VARS1: variants seen among roughly 807,000 people sequenced by gnomAD.
VARS1 encodes the protein valyl-tRNA synthetase 1, also known as valine--tRNA ligase.
Under a neutral mutation model 161.0 loss-of-function variants are expected in VARS1, and 92 were observed. The observed-to-expected ratio is 0.57, with a 90% CI of 0.48 to 0.68. VARS1 has a LOEUF of 0.68. VARS1 is among the 30% of genes least tolerant of loss of function. The pLI, the probability that VARS1 is intolerant of heterozygous loss-of-function variation, is 0.00. For synonymous variants in VARS1, 595 were observed against 682.5 expected (o/e 0.87, Z 2.00); for missense variants, 1,338 against 1,695.9 (o/e 0.79, Z 3.71).
chr6:31,791,782 C>T lies in VARS1; in HGVS notation c.973-45G>A. 6.2e-7 allele frequency: 1 copy of T among 1,613,010 alleles called. No individual in the cohort carries two copies. The highest frequency in any genetic ancestry group is 8.5e-7 in the Non-Finnish European group (1 of 1,180,018). ...GCACATGTTTAAGGCCTCAGGTCAC[C>T]TCTCCCAGCCCCTCCCAGGCAACAC... On this transcript the variant is annotated intron_variant, in intron 7 of 29. Coordinates refer to ENST00000375663, the MANE Select transcript of VARS1 (RefSeq NM_006295.3). The surrounding 1 kb of genome is among the most constrained non-coding windows in gnomAD (Gnocchi z 5.0).
Position 31,791,913 on chromosome 6 carries a change from G to A in VARS1, c.930C>T (p.Tyr310=). 1 of 1,606,710 alleles carries A rather than the reference G, an allele frequency of 6.2e-7. No individual in the cohort carries two copies. Among genetic ancestry groups the A allele is most frequent in the Non-Finnish European group, 8.5e-7 (1 of 1,176,016 alleles). Residue 310 remains tyrosine, a synonymous_variant, in exon 7 of 30, where the codon TAC becomes TAT. Coordinates refer to ENST00000375663, the MANE Select transcript of VARS1 (RefSeq NM_006295.3). The surrounding 1 kb of genome is among the most constrained non-coding windows in gnomAD (Gnocchi z 5.0). ...YSPRYVEAAW[Y]PWWEQQGFFK... ...AGAAGCCCTGCTGCTCCCACCAAGG[G>A]TACCAGGCAGCCTCCACATACCGAG...
chr6:31,794,803 CT>C, intron 2 of VARS1, 27 bp downstream of exon 2: 1 of 1,515,944 alleles, frequency 6.6e-7, no homozygotes, highest in South Asian at 1.3e-5. Context: ...AATTTCTCCC[CT>C]CCCCCTCTTC....
In VARS1 at chr6:31,792,424, T is replaced by G. The variant is rs1211876082; in HGVS notation, c.754A>C (p.Lys252Gln). ...GGAGGTGGCTGCTGCTGTTGGATCT[T>G]CTGCTTCTGTTGGAATTTCTCTAGC... Reference protein sequence around the residue: ...EKLEKFQQKQKIQQQQPPPGE... With the variant: ...EKLEKFQQKQQIQQQQPPPGE... The change falls in exon 5 of 30, where the codon AAG becomes CAG. Residue 252 changes from lysine to glutamine, a missense_variant. This residue lies in a region of VARS1 where 902 missense variants were observed against 1,090.3 expected (regional missense o/e 0.83). Coordinates refer to ENST00000375663, the MANE Select transcript of VARS1 (RefSeq NM_006295.3). The G allele has an allele frequency of 5.0e-6, 8 of 1,613,890 alleles. No individual in the cohort carries two copies. The highest frequency in any genetic ancestry group is 6.8e-6 in the Non-Finnish European group (8 of 1,180,006).
At chr6:31,788,842 T>A (rs1581653611) in intron 8 of VARS1, among the ~76,000 whole-genome samples, 3 of 151,890 alleles carry the variant, frequency 2.0e-5, no homozygotes, top group Admixed American at 1.3e-4. Flanking sequence ...AATAAAAAAA[T>A]AAAACATATA....
intron 13 of VARS1, among the ~76,000 whole-genome samples, chr6:31,783,493 G>GAAATAAAAATAAAAAAA (rs1813296391): frequency 2.8e-4 from 43 of 152,092 alleles, no homozygotes; most frequent in Admixed American, 2.8e-3. Flanking sequence ...CTGGGCGATA[G>GAAATAAAAATAAAAAAA]AGTGAGACCC....
chr6:31,781,490 G>C lies in VARS1; in HGVS notation c.2535C>G (p.Pro845=). ...MLGLKLTGRL[P]FREVYLHAIV... ...TCGGCTGTCTCCGCACCTCTCTAAA[G>C]GGCAGCCTGCCCGTGAGCTTCAGGC... The change falls in exon 21 of 30, where the codon CCC becomes CCG. Residue 845 remains proline, a synonymous_variant. Coordinates refer to ENST00000375663, the MANE Select transcript of VARS1 (RefSeq NM_006295.3). The surrounding 1 kb of genome is among the most constrained non-coding windows in gnomAD (Gnocchi z 6.8). The C allele has an allele frequency of 6.2e-7, 1 of 1,612,620 alleles. No homozygotes were observed. Among genetic ancestry groups the C allele is most frequent in the Non-Finnish European group, 8.5e-7 (1 of 1,179,928 alleles).
At chr6:31,792,632 C>A in intron 4 of VARS1, 116 bp from the exon 5 acceptor site, 1 of 1,592,110 alleles carries the variant, frequency 6.3e-7, no homozygotes, top group Admixed American at 1.7e-5. Context: ...CTGACCTCCC[C>A]CCTCTCCCTC....
At chr6:31,788,329 G>A (rs1813640128) in intron 8 of VARS1, among the ~76,000 whole-genome samples, 1 of 151,366 alleles carries the variant, frequency 6.6e-6, no homozygotes, top group Non-Finnish European at 1.5e-5. Flanking sequence ...GTGAAACCCC[G>A]TCTCTACTAA....
At position 31,791,852 on chromosome 6, in the gene VARS1, G is replaced by A. The variant is rs1475732011; in HGVS notation, c.972+19C>T. ...CCCCACCCCACCCACTCTGGGCCTG[G>A]GCAGCAGTGCCTACTCACCCCATAC... On this transcript the variant is annotated intron_variant, in intron 7 of 29. Transcript: ENST00000375663. This position sits in a 1 kb window ranked among gnomAD's most constrained non-coding sequence, Gnocchi z 5.0. The A allele has an allele frequency of 6.2e-7, 1 of 1,611,536 alleles. No individual in the cohort carries two copies. The highest frequency in any genetic ancestry group is 1.1e-5 in the South Asian group (1 of 90,892).
chr6:31,782,879 G>C lies in VARS1; in HGVS notation c.1763-34C>G. ...ACATCAGGATGCCCAGGTCATGAGG[G>C]ACTCCACGGAGTTCCTTCCTACACT... is the stretch of plus-strand genomic sequence containing the variant. On this transcript the variant is annotated intron_variant, in intron 14 of 29. Coordinates refer to ENST00000375663, the MANE Select transcript of VARS1 (RefSeq NM_006295.3). The surrounding 1 kb of genome is among the most constrained non-coding windows in gnomAD (Gnocchi z 8.3). The C allele has an allele frequency of 1.9e-6, 3 of 1,594,294 alleles. No homozygotes were observed. Among genetic ancestry groups the C allele is most frequent in the Non-Finnish European group, 1.7e-6 (2 of 1,170,358 alleles).
Position 31,777,556 on chromosome 6 carries a change from T to C in VARS1, c.*38A>G, listed in dbSNP as rs1478982059. On this transcript the variant is annotated 3_prime_UTR_variant, in exon 30 of 30. Transcript: ENST00000375663. This position sits in a 1 kb window ranked among gnomAD's most constrained non-coding sequence, Gnocchi z 5.8. ...TATTTTATTGCTGCCATCCCCATGG[T>C]GAGCCGCTGGGGGTGAGGGGTGAAG... The C allele has an allele frequency of 6.2e-7, 1 of 1,609,158 alleles. No homozygotes were observed. Among genetic ancestry groups the C allele is most frequent in the Admixed American group, 1.7e-5 (1 of 59,996 alleles).
In VARS1 at chr6:31,780,393, T is replaced by C; in HGVS notation, c.2925+48A>G. 1 of 1,594,484 alleles carries C rather than the reference T, an allele frequency of 6.3e-7. No individual in the cohort carries two copies. Among genetic ancestry groups the C allele is most frequent in the Non-Finnish European group, 8.5e-7 (1 of 1,170,240 alleles). ...ACATGGAGGCTGCTCCGGACAGGGG[T>C]ACAGCCTGTGTGAGTGCTGCCAGCT... On this transcript the variant is annotated intron_variant, in intron 25 of 29. Transcript: ENST00000375663. This position sits in a 1 kb window ranked among gnomAD's most constrained non-coding sequence, Gnocchi z 5.1.
Position 31,784,416 on chromosome 6 carries a change from A to G in VARS1, c.1554T>C (p.Phe518=). ...TACCTGAGCCTTGGACCTTATAGGC[A>G]AAGGACACGAGGACCCCGAACTCCA... The part of the protein sequence containing the change: ...EKVEFGVLVS[F]AYKVQGSDSD... The change falls in exon 12 of 30, where the codon TTT becomes TTC. Residue 518 remains phenylalanine (F), a synonymous_variant. Coordinates refer to ENST00000375663, the MANE Select transcript of VARS1 (RefSeq NM_006295.3). The surrounding 1 kb of genome is among the most constrained non-coding windows in gnomAD (Gnocchi z 6.1). 1 of 1,614,132 alleles carries G rather than the reference A, an allele frequency of 6.2e-7. No individual in the cohort carries two copies.
Position 31,780,426 on chromosome 6 carries a change from C to A in VARS1, c.2925+15G>T. ...GTGTGAGTGCTGCCAGCTTTGCTGC[C>A]CACCAGGCCCTTACCTGGGAGGTGG... is the stretch of plus-strand genomic sequence containing the variant. On this transcript the variant is annotated intron_variant, in intron 25 of 29. Coordinates refer to ENST00000375663, the MANE Select transcript of VARS1 (RefSeq NM_006295.3). This position sits in a 1 kb window ranked among gnomAD's most constrained non-coding sequence, Gnocchi z 5.1. 6.2e-7 allele frequency: 1 copy of A among 1,608,412 alleles called. No homozygotes were observed. Among genetic ancestry groups the A allele is most frequent in the Admixed American group, 1.7e-5 (1 of 59,526 alleles).
chr6:31,782,946 G>GC lies in VARS1; in HGVS notation c.1763-102dup. ...GGATGTAGCTCCGAGACCACTCCTG[G>GC]CCCCCACTTGTCTAATACAGTCCCT... On this transcript the variant is annotated intron_variant, in intron 14 of 29. Transcript: ENST00000375663. The surrounding 1 kb of genome is among the most constrained non-coding windows in gnomAD (Gnocchi z 8.3). The GC allele has an allele frequency of 6.5e-7, 1 of 1,529,646 alleles. No individual in the cohort carries two copies. The highest frequency in any genetic ancestry group is 8.8e-7 in the Non-Finnish European group (1 of 1,135,788). The allele number at this position is 1,529,646 out of a possible 1,614,324, so 94.8% of individuals were successfully genotyped here.
Position 31,780,460 on chromosome 6 carries a change from A to G in VARS1, c.2906T>C (p.Val969Ala). 2 of 1,613,700 alleles carry G rather than the reference A, an allele frequency of 1.2e-6. No homozygotes were observed. Among genetic ancestry groups the G allele is most frequent in the South Asian group, 1.1e-5 (1 of 91,022 alleles). ...CCTTACCTGGGAGGTGGGTGAGGGC[A>G]CAAAACCCTTCCCAAGGCCACGAAG... ...FALRGLGKGF[V>A]PSPTSQPGGH... is the part of the protein sequence containing the mutation. Residue 969 changes from valine (V) to alanine (A), a missense_variant, in exon 25 of 30, where the codon GTG (valine) becomes GCG (alanine). By Grantham distance (64) the Val-to-Ala change is moderately conservative (BLOSUM62 0). Around this residue, in one of 3 missense-constraint regions of VARS1, gnomAD observed 433 missense variants for 586.2 expected, o/e 0.74. Transcript: ENST00000375663. The surrounding 1 kb of genome is among the most constrained non-coding windows in gnomAD (Gnocchi z 5.1).
At position 31,782,737 on chromosome 6, in the gene VARS1, A is replaced by C. The variant is rs754212703; in HGVS notation, c.1871T>G (p.Val624Gly). 1 of 1,613,032 alleles carries C rather than the reference A, an allele frequency of 6.2e-7. No homozygotes were observed. Among genetic ancestry groups the C allele is most frequent in the South Asian group, 1.1e-5 (1 of 91,076 alleles). Residue 624 changes from valine (V) to glycine (G), a missense_variant, in exon 15 of 30, where the codon GTG becomes GGG. Coordinates refer to ENST00000375663, the MANE Select transcript of VARS1 (RefSeq NM_006295.3). The surrounding 1 kb of genome is among the most constrained non-coding windows in gnomAD (Gnocchi z 8.3). ...CAGCCTCACCAGGAAAGGCGGAGGC[A>C]CATTGATGAGGGCCCCCCGGGAGTC... ...IMDSRGALIN[V>G]PPPFLGLPRF...
At position 31,782,318 on chromosome 6, in the gene VARS1, T is replaced by C; in HGVS notation, c.2117A>G (p.Gln706Arg). ...GDLRILPEAH[Q>R]RTWHAWMDNI... ...GTCCATCCAGGCATGCCATGTGCGC[T>C]GATGGGCCTCAGGCAGGATGCGGAG... Residue 706 changes from glutamine to arginine, a missense_variant, in exon 17 of 30, where the codon CAG becomes CGG. Gln to Arg is a conservative substitution (Grantham distance 43). Coordinates refer to ENST00000375663, the MANE Select transcript of VARS1 (RefSeq NM_006295.3). This position sits in a 1 kb window ranked among gnomAD's most constrained non-coding sequence, Gnocchi z 8.3. 1.2e-6 allele frequency: 2 copies of C among 1,613,024 alleles called. No homozygotes were observed. The highest frequency in any genetic ancestry group is 1.7e-6 in the Non-Finnish European group (2 of 1,179,990).
rs1244817343 is a variant in VARS1 at position 31,791,513 on chromosome 6, C to T, written c.1100+97G>A. On this transcript the variant is annotated intron_variant, in intron 8 of 29. Transcript: ENST00000375663. This position sits in a 1 kb window ranked among gnomAD's most constrained non-coding sequence, Gnocchi z 5.0. ...GCACCACTGGGGGCAGAAGTGAGCA[C>T]CAACCCAGAAGGAGAGAGGCTCGGG... is the stretch of plus-strand genomic sequence containing the variant. 76 of 1,488,176 alleles carry T rather than the reference C, an allele frequency of 5.1e-5. 1 individual carries two copies. In the East Asian group the frequency reaches 1.7e-3, roughly 33 times the overall value. 92.2% of individuals were successfully genotyped at this position (1,488,176 alleles called of 1,614,324 possible).
Sources: gnomAD v4.1 joint callset for allele counts (sites outside exome capture counted in the v4.1 genomes callset) on GRCh38, gnomAD v4.1.1 for gene constraint, gnomAD v4.1.1 regional missense constraint, Gnocchi (gnomAD v3.1) non-coding constraint, MANE v1.5 for transcripts, NCBI Gene and HGNC (gene_info 2026-07-23, HGNC 2026-07-21) for gene names.